The following ACTR3C variants were observed in gnomAD, a reference collection of about 807,000 sequenced individuals.
ACTR3C encodes the protein actin-related protein 3C.
In ACTR3C, 18 loss-of-function variants were observed where a neutral mutation model predicts 26.3. The ratio of observed to expected loss-of-function variants is 0.68; its 90% CI spans 0.47 to 1.01. The LOEUF is 1.01. Ranked by LOEUF, ACTR3C falls within the 50% of genes least tolerant of loss-of-function variation. The pLI is 0.00. For missense variants in ACTR3C, 184 were observed against 250.7 expected, an observed-to-expected ratio of 0.73 and a Z score of 1.80; for synonymous variants, 55 against 94.5, an observed-to-expected ratio of 0.58 and a Z score of 2.42.
the ACTR3C span, among the ~76,000 whole-genome samples, chr7:149,961,649 A>G: frequency 2.6e-4 from 39 of 151,622 alleles, no homozygotes; most frequent in African/African-American, 9.0e-4. Flanking sequence ...AAGTATACAC[A>G]TAGGATCTAT....
At chr7:150,059,409 T>C in the ACTR3C span, among the ~76,000 whole-genome samples, 1 of 152,222 alleles carries the variant, frequency 6.6e-6, no homozygotes, top group Non-Finnish European at 1.5e-5. Flanking sequence ...AAAATACCAC[T>C]GTATTTGGGC....
the ACTR3C span, among the ~76,000 whole-genome samples, chr7:149,997,324 C>T: frequency 2.6e-5 from 4 of 152,094 alleles, no homozygotes; most frequent in African/African-American, 9.7e-5. Flanking sequence ...TAAGCCATTT[C>T]CCTGACCCTC....
chr7:149,935,978 A>C, the ACTR3C span, among the ~76,000 whole-genome samples: 2 of 151,630 alleles, frequency 1.3e-5, no homozygotes, highest in Non-Finnish European at 2.9e-5. Context: ...ATGCACAGTC[A>C]CCCCCAAAAG....
the ACTR3C span, among the ~76,000 whole-genome samples, chr7:150,107,253 A>G: frequency 6.6e-6 from 1 of 150,652 alleles, no homozygotes; most frequent in East Asian, 1.9e-4. Context: ...GAGCTTTTTA[A>G]GGAGAGCTGG....
chr7:150,089,373 T>C, the ACTR3C span, among the ~76,000 whole-genome samples: 1 of 152,202 alleles, frequency 6.6e-6, no homozygotes. Context: ...TGAGGCTCCA[T>C]GCAATCATTT....
the ACTR3C span, among the ~76,000 whole-genome samples, chr7:150,062,644 A>G: frequency 6.8e-6 from 1 of 147,456 alleles, no homozygotes; most frequent in Non-Finnish European, 1.5e-5. Context: ...GTATCATTAT[A>G]TGTTTTATGT....
At chr7:150,126,653 CA>C in the ACTR3C span, among the ~76,000 whole-genome samples, 1 of 152,168 alleles carries the variant, frequency 6.6e-6, no homozygotes, top group East Asian at 1.9e-4. Context: ...TTAATAGGCC[CA>C]ACAAGTGCTT....
chr7:149,979,575 T>C, the ACTR3C span, among the ~76,000 whole-genome samples: 2 of 152,224 alleles, frequency 1.3e-5, no homozygotes, highest in East Asian at 3.8e-4. Context: ...GCAGAGTGTC[T>C]TGTACCTTGA....
At chr7:149,906,446 T>A in the ACTR3C span, among the ~76,000 whole-genome samples, 1 of 54,162 alleles carries the variant, frequency 1.8e-5, no homozygotes, top group Non-Finnish European at 3.7e-5. Context: ...TTTTTTTTTT[T>A]TTTTAGATGG....
At chr7:149,944,104 C>T in the ACTR3C span, among the ~76,000 whole-genome samples, 1 of 144,822 alleles carries the variant, frequency 6.9e-6, no homozygotes, top group Non-Finnish European at 1.5e-5. Flanking sequence ...CCAGTGTGTG[C>T]TGCTTACTGG....
In ACTR3C at chr7:150,286,626, G is replaced by A. The variant is rs1403430548; in HGVS notation, c.298-86C>T. On this transcript the variant is annotated intron_variant, in intron 4 of 7. Transcript: ENST00000683684. ...GACAAATAACCAGGAAGCCCATGCAGTAAACACACCCTGGGATCAGAACCG... is the reference window on the plus strand; with the variant it reads ...GACAAATAACCAGGAAGCCCATGCAATAAACACACCCTGGGATCAGAACCG... 28 of 1,563,210 alleles carry A rather than the reference G, an allele frequency of 1.8e-5. 1 individual carries two copies. Among genetic ancestry groups the A allele is most frequent in the Non-Finnish European group, 8.7e-6 (10 of 1,152,476 alleles).
chr7:150,036,037 T>A, the ACTR3C span, among the ~76,000 whole-genome samples: 1 of 81,312 alleles, frequency 1.2e-5, no homozygotes, highest in Non-Finnish European at 2.5e-5. Flanking sequence ...AGAGCAAAGG[T>A]GGGAAGAGGG....
At chr7:150,168,925 T>TG in the ACTR3C span, among the ~76,000 whole-genome samples, 1 of 150,896 alleles carries the variant, frequency 6.6e-6, no homozygotes, top group Non-Finnish European at 1.5e-5. Flanking sequence ...GTCTAGCTGT[T>TG]GGATGCTATC....
At chr7:150,025,849 T>C in the ACTR3C span, among the ~76,000 whole-genome samples, 2 of 151,736 alleles carry the variant, frequency 1.3e-5, no homozygotes, top group African/African-American at 4.9e-5. Context: ...TGAGCTACTA[T>C]GTCTGAAGGA....
At chr7:150,090,795 T>C in the ACTR3C span, among the ~76,000 whole-genome samples, 1 of 151,992 alleles carries the variant, frequency 6.6e-6, no homozygotes. Context: ...TACAAGTGTC[T>C]GAGAACATGG....
the ACTR3C span, among the ~76,000 whole-genome samples, chr7:150,104,977 T>C: frequency 6.6e-6 from 1 of 152,026 alleles, no homozygotes; most frequent in Admixed American, 6.6e-5. Context: ...TATATACCGA[T>C]AGCACATTCT....
chr7:150,138,265 G>GAGAA, the ACTR3C span, among the ~76,000 whole-genome samples: 1 of 152,194 alleles, frequency 6.6e-6, no homozygotes, highest in Non-Finnish European at 1.5e-5. Context: ...GGCAGAGGAA[G>GAGAA]AGAAGCACAA....
At chr7:150,029,422 CAAAAAAAAA>C in the ACTR3C span, among the ~76,000 whole-genome samples, 1 of 68,150 alleles carries the variant, frequency 1.5e-5, no homozygotes, top group African/African-American at 7.7e-5. Context: ...AAAAAACAAA[CAAAAAAAAA>C]CCATGAGTGG....
the ACTR3C span, among the ~76,000 whole-genome samples, chr7:150,043,482 C>T: frequency 6.6e-6 from 1 of 152,192 alleles, no homozygotes; most frequent in South Asian, 2.1e-4. Context: ...CTGCCAAGGC[C>T]CTCAAACAGG....
Sources: gnomAD v4.1 joint callset for allele counts (sites outside exome capture counted in the v4.1 genomes callset) on GRCh38, gnomAD v4.1.1 for gene constraint, MANE v1.5 for transcripts, NCBI Gene and HGNC (gene_info 2026-07-23, HGNC 2026-07-21) for gene names.